Variants in BTRC observed in about 807,000 individuals in gnomAD.
BTRC encodes the protein F-box/WD repeat-containing protein 1A.
Under a neutral mutation model 85.5 loss-of-function variants are expected in BTRC, and 42 were observed. That is an observed-to-expected ratio of 0.49 (90% CI 0.38 to 0.64). The LOEUF (loss-of-function observed/expected upper bound fraction) is 0.64. Among genes scored for constraint, BTRC ranks in the 30% least tolerant of loss-of-function variants. The pLI is 0.00. For missense variants in BTRC, 594 were observed against 743.5 expected (o/e 0.80, Z 2.34); for synonymous variants, 255 against 263.3 (o/e 0.97, Z 0.30).
At chr10:101,467,254 A>G (rs1050911270) in intron 3 of BTRC, among the ~76,000 whole-genome samples, 6 of 148,378 alleles carry the variant, frequency 4.0e-5, no homozygotes, top group African/African-American at 1.2e-4. Flanking sequence ...TTCATATATG[A>G]TGGCATTCCC....
At chr10:101,470,406 C>G (rs1447448505) in intron 3 of BTRC, among the ~76,000 whole-genome samples, 1 of 147,768 alleles carries the variant, frequency 6.8e-6, no homozygotes, top group Non-Finnish European at 1.5e-5. Flanking sequence ...AATCTCGGCT[C>G]ACTGCAACCT....
At chr10:101,356,297 C>G (rs902226463) in intron 1 of BTRC, among the ~76,000 whole-genome samples, 1 of 152,094 alleles carries the variant, frequency 6.6e-6, no homozygotes, top group Non-Finnish European at 1.5e-5. Context: ...CAGCGCCCAG[C>G]AGAGGGTTGA....
At chr10:101,387,670 G>A (rs1240197755) in intron 1 of BTRC, among the ~76,000 whole-genome samples, 3 of 150,602 alleles carry the variant, frequency 2.0e-5, no homozygotes, top group Non-Finnish European at 3.0e-5. Context: ...GGGATTACAG[G>A]TGCCCACCAC....
At chr10:101,433,728 C>G (rs1057029740) in intron 2 of BTRC, among the ~76,000 whole-genome samples, 20 of 152,092 alleles carry the variant, frequency 1.3e-4, no homozygotes, top group African/African-American at 4.8e-4. Context: ...GATTTAAGCA[C>G]AAGTTTTACC....
intron 4 of BTRC, among the ~76,000 whole-genome samples, chr10:101,486,503 C>T (rs1204011975): frequency 6.6e-6 from 1 of 151,754 alleles, no homozygotes. Context: ...CTTGCCGTCA[C>T]ATTACCTAGG....
intron 3 of BTRC, among the ~76,000 whole-genome samples, chr10:101,476,659 G>T (rs917133046): frequency 6.6e-6 from 1 of 151,212 alleles, no homozygotes; most frequent in South Asian, 2.1e-4. Flanking sequence ...ATGTGGGCTT[G>T]TATGGAACTC....
At position 101,389,117 on chromosome 10, in the gene BTRC, GTGTTTT is replaced by G. The variant is rs1240629120; in HGVS notation, c.48+34891_48+34896del. Among the ~76,000 whole-genome samples, 95 of 53,034 alleles carry G rather than the reference GTGTTTT, an allele frequency of 1.8e-3. 9 individuals carry two copies. The highest frequency in any genetic ancestry group is 4.4e-3 in the African/African-American group (56 of 12,862). 34.8% of individuals were successfully genotyped at this position (53,034 alleles called of 152,430 possible). The stretch of plus-strand genomic sequence containing the variant: ...GTTGCATAATTGTGATTTTTTGTGT[GTGTTTT>G]TTTTTTTTTTTTTTTTTTTTTTTTT... On this transcript the variant is annotated intron_variant, in intron 1 of 14. Coordinates refer to ENST00000370187, the MANE Select transcript of BTRC (RefSeq NM_033637.4).
At chr10:101,500,276 A>T (rs969328595) in intron 4 of BTRC, among the ~76,000 whole-genome samples, 41 of 152,138 alleles carry the variant, frequency 2.7e-4, no homozygotes, top group African/African-American at 8.2e-4. Flanking sequence ...CAGCATACTG[A>T]ATACTGTACG....
At chr10:101,517,662 A>G (rs1820181650) in intron 4 of BTRC, among the ~76,000 whole-genome samples, 1 of 152,198 alleles carries the variant, frequency 6.6e-6, no homozygotes. Flanking sequence ...TATCCTTTAA[A>G]GAAATACTTT....
chr10:101,423,299 A>G lies in BTRC; in HGVS notation c.49-7046A>G, dbSNP rs539473139. On this transcript the variant is annotated intron_variant, in intron 1 of 14. Transcript: ENST00000370187. Reference sequence around the variant, plus strand: ...TTGTTCCGCAATTCATTGCCAAACAATGAATTGTTAGACTGACAAAGCTAA... The same window carrying G: ...TTGTTCCGCAATTCATTGCCAAACAGTGAATTGTTAGACTGACAAAGCTAA... 1.4e-4 allele frequency among the ~76,000 whole-genome samples: 21 copies of G among 152,284 alleles called. No individual in the cohort carries two copies. The East Asian group carries it at 3.5e-3, about 25-fold the overall frequency.
At chr10:101,483,774 A>G (rs1481009784) in intron 4 of BTRC, among the ~76,000 whole-genome samples, 3 of 152,184 alleles carry the variant, frequency 2.0e-5, no homozygotes, top group Non-Finnish European at 4.4e-5. Flanking sequence ...GTAGCTTTAA[A>G]TGGACAGTCA....
intron 6 of BTRC, 94 bp from the exon 7 acceptor site, chr10:101,531,143 C>A: frequency 9.5e-7 from 1 of 1,052,124 alleles, no homozygotes; most frequent in Non-Finnish European, 1.4e-6. Context: ...TGCACTCCAG[C>A]CTGGGCAACA....
At chr10:101,549,141 ATAACAG>A (rs1194260574) in intron 13 of BTRC, among the ~76,000 whole-genome samples, 1 of 151,872 alleles carries the variant, frequency 6.6e-6, no homozygotes, top group Non-Finnish European at 1.5e-5. Context: ...ATTAATAACA[ATAACAG>A]CATTGGGCCA....
At chr10:101,507,185 G>A (rs1946563930) in intron 4 of BTRC, among the ~76,000 whole-genome samples, 1 of 152,100 alleles carries the variant, frequency 6.6e-6, no homozygotes, top group African/African-American at 2.4e-5. Flanking sequence ...TGTGAGCAAA[G>A]TTTTAACAGT....
At chr10:101,486,579 G>A (rs541772016) in intron 4 of BTRC, among the ~76,000 whole-genome samples, 213 of 152,238 alleles carry the variant, frequency 1.4e-3, no homozygotes, top group Middle Eastern at 6.8e-3. Context: ...AGGGGAGGTG[G>A]GGAAAAGAGT....
chr10:101,482,312 T>TG, intron 4 of BTRC, among the ~76,000 whole-genome samples: 1 of 151,736 alleles, frequency 6.6e-6, no homozygotes, highest in East Asian at 1.9e-4. Context: ...TGAGCCACTG[T>TG]GCCTGGCCAA....
chr10:101,368,257 A>C (rs953921994), intron 1 of BTRC, among the ~76,000 whole-genome samples: 1 of 152,178 alleles, frequency 6.6e-6, no homozygotes, highest in Non-Finnish European at 1.5e-5. Context: ...ATTTCTGCAC[A>C]TGCAGCTCCT....
chr10:101,406,251 A>C (rs1943617410), intron 1 of BTRC, among the ~76,000 whole-genome samples: 1 of 149,732 alleles, frequency 6.7e-6, no homozygotes, highest in Admixed American at 6.7e-5. Flanking sequence ...ATCTCAGCTC[A>C]CTGCAAGCTC....
chr10:101,539,938 CT>C (rs1431793730), intron 13 of BTRC, among the ~76,000 whole-genome samples: 1 of 152,136 alleles, frequency 6.6e-6, no homozygotes, highest in East Asian at 1.9e-4. Flanking sequence ...TGTATATCTC[CT>C]TTGGTGAAGT....
Sources: allele counts gnomAD v4.1 joint callset (sites outside exome capture counted in the v4.1 genomes callset), GRCh38; gene constraint gnomAD v4.1.1; transcripts MANE v1.5; gene names NCBI Gene and HGNC (gene_info 2026-07-23, HGNC 2026-07-21).